Variants in EIF3F observed in about 807,000 individuals in gnomAD.
EIF3F encodes the protein deubiquitinating enzyme eIF3f.
Under a neutral mutation model 36.0 loss-of-function variants are expected in EIF3F, and 8 were observed. The ratio of observed to expected loss-of-function variants is 0.22; its 90% confidence interval spans 0.13 to 0.40. The LOEUF (loss-of-function observed/expected upper bound fraction) is 0.40, where lower values mean the gene tolerates loss of function less well. Among genes scored for constraint, EIF3F ranks in the 10% least tolerant of loss-of-function variants. The pLI, the probability that EIF3F is intolerant of heterozygous loss-of-function variation, is 1.00. For missense variants in EIF3F, 430 were observed against 467.6 expected (o/e 0.92, Z 0.74); for synonymous variants, 184 against 188.5 (o/e 0.98, Z 0.19).
rs530699496 is a variant in EIF3F, at chr11:7,992,122, A to G, written c.474A>G (p.Glu158=). 1.9e-6 allele frequency: 3 copies of G among 1,613,842 alleles called. No homozygotes were observed. Among genetic ancestry groups the G allele is most frequent in the South Asian group, 2.2e-5 (2 of 91,074 alleles). The change falls in exon 3 of 8, where the codon GAA becomes GAG. Residue 158 remains glutamate (E), a synonymous_variant. Coordinates refer to ENST00000651655, the MANE Select transcript of EIF3F (RefSeq NM_003754.3). ...TGGAATTTGCTAAGAATATGTATGA[A>G]CTGCATAAAAAAGTTTCTCCAAATG... ...VDMEFAKNMY[E]LHKKVSPNEL... is the part of the protein sequence containing the mutation.
rs1324861683 is a variant in EIF3F, at chr11:7,994,447, G to A, written c.675G>A (p.Gly225=). The stretch of plus-strand genomic sequence containing the variant: ...GCAGCACTTTAATGGGAGTCCCTGG[G>A]AGGACCATGGGAGTGATGTTCACGC... The part of the protein sequence containing the change: ...AYVSTLMGVP[G]RTMGVMFTPL... Residue 225 remains glycine, a synonymous_variant, in exon 5 of 8, where the codon GGG becomes GGA. Transcript: ENST00000651655. 6.2e-7 allele frequency: 1 copy of A among 1,614,044 alleles called. No individual in the cohort carries two copies.
intron 7 of EIF3F, chr11:7,995,573 T>C: frequency 1.7e-6 from 1 of 604,584 alleles, no homozygotes. Flanking sequence ...CATGATTCCA[T>C]TGTCTCATTT....
rs1456656374 is a variant in EIF3F at position 7,999,595 on chromosome 11, C to G, written c.*3573C>G. 1 of 152,146 alleles carries G rather than the reference C, an allele frequency of 6.6e-6. No individual in the cohort carries two copies. Among genetic ancestry groups the G allele is most frequent in the Admixed American group, 6.5e-5 (1 of 15,274 alleles). The allele number at this position is 152,146 out of a possible 1,614,324, so 9.4% of individuals were successfully genotyped here. A position where few individuals can be genotyped will look rare whatever the true frequency, so the allele number is the denominator to read the frequency against. On this transcript the variant is annotated 3_prime_UTR_variant, in exon 8 of 8. Transcript: ENST00000651655. ...TCCAGATATAAAATATATTATAGAACTGTGTAATTAAAGCAATATGGTACT... is the reference window on the plus strand; with the variant it reads ...TCCAGATATAAAATATATTATAGAAGTGTGTAATTAAAGCAATATGGTACT...
rs1227956232 is a variant in EIF3F at position 8,001,032 on chromosome 11, G to A, written c.*5010G>A. ...ATATTTGCAGTTCATATCAAAAAAA[G>A]GGCTAATATTCTTGTCCCAGAATTC... On this transcript the variant is annotated 3_prime_UTR_variant, in exon 8 of 8. Transcript: ENST00000651655. 6.6e-6 allele frequency: 1 copy of A among 152,100 alleles called. No homozygotes were observed. The highest frequency in any genetic ancestry group is 1.5e-5 in the Non-Finnish European group (1 of 68,024). The allele number at this position is 152,100 out of a possible 1,614,324, so 9.4% of individuals were successfully genotyped here.
Position 7,999,403 on chromosome 11 carries a change from G to T in EIF3F, c.*3381G>T, listed in dbSNP as rs151091105. ...GGCATATCATGTTCTTGAATAAGAA[G>T]ACTCAACATTATTTTAACAGGTGTT... On this transcript the variant is annotated 3_prime_UTR_variant, in exon 8 of 8. Coordinates refer to ENST00000651655, the MANE Select transcript of EIF3F (RefSeq NM_003754.3). 3 of 152,274 alleles carry T rather than the reference G, an allele frequency of 2.0e-5. No individual in the cohort carries two copies. In the East Asian group the frequency reaches 5.8e-4, roughly 29 times the overall value. 9.4% of individuals were successfully genotyped at this position (152,274 alleles called of 1,614,324 possible).
chr11:7,990,900 T>TAAATAAAAAAAA (rs1554914921), intron 1 of EIF3F, among the ~76,000 whole-genome samples: 14 of 136,972 alleles, frequency 1.0e-4, no homozygotes, highest in Admixed American at 6.4e-4. Context: ...AATAAATAAA[T>TAAATAAAAAAAA]AAAAGAAATA....
rs183013801 is a variant in EIF3F at position 7,989,700 on chromosome 11, A to T, written c.364+1984A>T. Among the ~76,000 whole-genome samples, 3 of 152,364 alleles carry T rather than the reference A, an allele frequency of 2.0e-5. No individual in the cohort carries two copies. The South Asian group carries it at 6.2e-4, about 32-fold the overall frequency. Reference sequence around the variant, plus strand: ...TCCAATAGAAGGGTGTCATGGTGGCATGGAAATGCAGAAGACTTAACTATT... The same window carrying T: ...TCCAATAGAAGGGTGTCATGGTGGCTTGGAAATGCAGAAGACTTAACTATT... On this transcript the variant is annotated intron_variant, in intron 1 of 7. Coordinates refer to ENST00000651655, the MANE Select transcript of EIF3F (RefSeq NM_003754.3).
intron 4 of EIF3F, among the ~76,000 whole-genome samples, chr11:7,994,020 G>A (rs1942131629): frequency 6.6e-6 from 1 of 152,146 alleles, no homozygotes; most frequent in East Asian, 1.9e-4. Context: ...GTAATTTGGT[G>A]GGCAGGAGTT....
chr11:7,992,995 C>G lies in EIF3F; in HGVS notation c.624C>G (p.Asn208Lys). 6.2e-7 allele frequency: 1 copy of G among 1,607,748 alleles called. No homozygotes were observed. Among genetic ancestry groups the G allele is most frequent in the Non-Finnish European group, 8.5e-7 (1 of 1,176,630 alleles). The change falls in exon 4 of 8, where the codon AAC becomes AAG. Residue 208 changes from asparagine (N) to lysine (K), a missense_variant. This residue lies in a region of EIF3F where 262 missense variants were observed against 347.4 expected (regional missense o/e 0.75). Coordinates refer to ENST00000651655, the MANE Select transcript of EIF3F (RefSeq NM_003754.3). The stretch of plus-strand genomic sequence containing the variant: ...TCACTGTGGACACAAGTCTCCAGAA[C>G]GGCCGCATGAGCATCAAAGCCTACG... The part of the protein sequence containing the change: ...IHLTVDTSLQ[N>K]GRMSIKAYVS...
At chr11:7,992,821 C>A in intron 3 of EIF3F, 66 bp from the exon 4 acceptor site, 1 of 1,607,530 alleles carries the variant, frequency 6.2e-7, no homozygotes, top group Non-Finnish European at 8.5e-7. Context: ...GACACCCATG[C>A]CACTGTTGTG....
In EIF3F at chr11:7,995,618, C is replaced by T. The variant is rs535023829; in HGVS notation, c.996+251C>T. 152 of 582,132 alleles carry T rather than the reference C, an allele frequency of 2.6e-4. No individual in the cohort carries two copies. The South Asian group carries it at 3.1e-3, about 12-fold the overall frequency. The allele number at this position is 582,132 out of a possible 1,614,324, so 36.1% of individuals were successfully genotyped here. On this transcript the variant is annotated intron_variant, in intron 7 of 7. Transcript: ENST00000651655. ...ACTACTGTGACTTACTGTCTAAATT[C>T]GTGATGGAAAGAAACACTAAAATTC...
chr11:7,998,990 C>G lies in EIF3F; in HGVS notation c.*2968C>G, dbSNP rs1040203316. ...ATTGAAGATAAAGTGGAGCCAGGCACAGTGGCTCATGCCTGTAATCCCAGC... is the reference window on the plus strand; with the variant it reads ...ATTGAAGATAAAGTGGAGCCAGGCAGAGTGGCTCATGCCTGTAATCCCAGC... On this transcript the variant is annotated 3_prime_UTR_variant, in exon 8 of 8. Coordinates refer to ENST00000651655, the MANE Select transcript of EIF3F (RefSeq NM_003754.3). The G allele has an allele frequency of 6.6e-5, 10 of 152,146 alleles. No homozygotes were observed. The highest frequency in any genetic ancestry group is 1.3e-4 in the Non-Finnish European group (9 of 68,042). 9.4% of individuals were successfully genotyped at this position (152,146 alleles called of 1,614,324 possible). A position where few individuals can be genotyped will look rare whatever the true frequency, so the allele number is the denominator to read the frequency against.
intron 3 of EIF3F, 102 bp downstream of exon 3, chr11:7,992,265 A>G: frequency 1.9e-6 from 2 of 1,029,528 alleles, no homozygotes; most frequent in Non-Finnish European, 2.9e-6. Context: ...TTTTGGAGGC[A>G]AGAGTATTGC....
chr11:7,993,910 G>A (rs1489942867), intron 4 of EIF3F, among the ~76,000 whole-genome samples: 1 of 151,880 alleles, frequency 6.6e-6, no homozygotes, highest in Admixed American at 6.6e-5. Flanking sequence ...TATGTAGATA[G>A]AGAAAGATAT....
At chr11:7,994,854 G>A (rs1203072797) in intron 5 of EIF3F, 128 bp from the exon 6 acceptor site, 1 of 1,353,322 alleles carries the variant, frequency 7.4e-7, no homozygotes, top group African/African-American at 1.4e-5. Flanking sequence ...TGAGCAGACT[G>A]AGTCTAAGGG....
chr11:7,992,808 G>C (rs1942112849), intron 3 of EIF3F, 79 bp from the exon 4 acceptor site: 2 of 1,598,980 alleles, frequency 1.3e-6, no homozygotes, highest in South Asian at 2.2e-5. Context: ...CCGGTACCCT[G>C]AAGACACCCA....
At chr11:7,991,471 GAA>G (rs1194708200) in intron 1 of EIF3F, among the ~76,000 whole-genome samples, 1 of 151,766 alleles carries the variant, frequency 6.6e-6, no homozygotes, top group Non-Finnish European at 1.5e-5. Flanking sequence ...TGTAGAGGCT[GAA>G]AAAAAAGGCC....
At position 7,999,163 on chromosome 11, in the gene EIF3F, G is replaced by C. The variant is rs1003297601; in HGVS notation, c.*3141G>C. ...CACGCACCTGTAGTCCCAGCTACTT[G>C]GGAAGCTGAGGCAGGAGAATCTCGA... On this transcript the variant is annotated 3_prime_UTR_variant, in exon 8 of 8. Coordinates refer to ENST00000651655, the MANE Select transcript of EIF3F (RefSeq NM_003754.3). 2 of 152,180 alleles carry C rather than the reference G, an allele frequency of 1.3e-5. No homozygotes were observed. Among genetic ancestry groups the C allele is most frequent in the African/African-American group, 4.8e-5 (2 of 41,436 alleles). The allele number at this position is 152,180 out of a possible 1,614,324, so 9.4% of individuals were successfully genotyped here.
chr11:7,994,150 C>G (rs1178736472), intron 4 of EIF3F, among the ~76,000 whole-genome samples: 3 of 152,128 alleles, frequency 2.0e-5, no homozygotes, highest in African/African-American at 4.8e-5. Context: ...GTCCTGTCCT[C>G]TCGTCACTGA....
Sources: allele counts gnomAD v4.1 joint callset (sites outside exome capture counted in the v4.1 genomes callset), GRCh38; gene constraint gnomAD v4.1.1; regional missense constraint gnomAD v4.1.1; transcripts MANE v1.5; gene names NCBI Gene and HGNC (gene_info 2026-07-23, HGNC 2026-07-21).